Variants in CLVS1 observed in about 807,000 individuals in gnomAD.
CLVS1 encodes the protein clavesin 1, also known as clavesin-1.
A neutral mutation model predicts 33.1 loss-of-function variants in CLVS1; 10 were observed. The observed-to-expected ratio is 0.30, with a 90% CI of 0.19 to 0.51. The LOEUF (loss-of-function observed/expected upper bound fraction) is 0.51, where lower values mean the gene tolerates loss of function less well. Ranked by LOEUF, CLVS1 falls within the 20% of genes least tolerant of loss-of-function variation. The pLI is 0.97. For missense variants in CLVS1, 343 were observed against 433.4 expected (o/e 0.79, Z 1.85); for synonymous variants, 163 against 166.1 (o/e 0.98, Z 0.14).
At chr8:61,367,463 C>T (rs1479193596) in intron 2 of CLVS1, among the ~76,000 whole-genome samples, 1 of 152,158 alleles carries the variant, frequency 6.6e-6, no homozygotes, top group East Asian at 1.9e-4. Context: ...TTCTCATGAC[C>T]CAGTGGAAGA....
At chr8:61,484,064 T>G (rs930213610) in intron 5 of CLVS1, among the ~76,000 whole-genome samples, 2 of 152,176 alleles carry the variant, frequency 1.3e-5, no homozygotes, top group Non-Finnish European at 2.9e-5. Flanking sequence ...ACCACTCCTA[T>G]TCAACCTACT....
chr8:61,464,734 T>C (rs1051508156), intron 5 of CLVS1: 3 of 152,258 alleles, frequency 2.0e-5, no homozygotes, highest in Admixed American at 1.3e-4. Flanking sequence ...TTCCCCACCA[T>C]GGCCACAAGG....
intron 3 of CLVS1, among the ~76,000 whole-genome samples, chr8:61,393,655 C>T (rs985268358): frequency 7.9e-5 from 12 of 152,162 alleles, no homozygotes; most frequent in African/African-American, 2.9e-4. Flanking sequence ...GAGAGCCAGA[C>T]TGCAATCAAT....
At chr8:61,492,406 A>G (rs975027771) in intron 5 of CLVS1, among the ~76,000 whole-genome samples, 1 of 152,206 alleles carries the variant, frequency 6.6e-6, no homozygotes, top group Non-Finnish European at 1.5e-5. Flanking sequence ...TCTTCATTCA[A>G]CCTTGCCCAA....
chr8:61,310,910 AGTGTT>A (rs1810808181), intron 2 of CLVS1, among the ~76,000 whole-genome samples: 2 of 152,122 alleles, frequency 1.3e-5, no homozygotes, highest in African/African-American at 4.8e-5. Context: ...AGCTGCTACC[AGTGTT>A]GTGACCTTGG....
chr8:61,368,285 C>T (rs1323688081), intron 2 of CLVS1, among the ~76,000 whole-genome samples: 1 of 152,152 alleles, frequency 6.6e-6, no homozygotes, highest in African/African-American at 2.4e-5. Flanking sequence ...GCTTTAGTTT[C>T]AGTGTCATTT....
intron 1 of CLVS1, among the ~76,000 whole-genome samples, chr8:61,063,306 A>AGAAC: frequency 6.9e-6 from 1 of 145,360 alleles, no homozygotes; most frequent in East Asian, 2.0e-4. Flanking sequence ...AGAGAGAGAG[A>AGAAC]GAGAACAGTC....
chr8:61,075,524 A>G (rs1402133733), intron 1 of CLVS1, among the ~76,000 whole-genome samples: 1 of 152,200 alleles, frequency 6.6e-6, no homozygotes, highest in East Asian at 1.9e-4. Context: ...TACCTTTTAC[A>G]TTGGTGACAC....
chr8:61,389,620 G>A (rs758075434), intron 3 of CLVS1, among the ~76,000 whole-genome samples: 15 of 152,068 alleles, frequency 9.9e-5, no homozygotes, highest in South Asian at 2.1e-4. Context: ...AAGCTAGAAA[G>A]CACTATGACT....
upstream of CLVS1, among the ~76,000 whole-genome samples, chr8:61,286,515 G>C (rs1251012646): frequency 6.6e-6 from 1 of 152,206 alleles, no homozygotes; most frequent in East Asian, 1.9e-4. Context: ...TCCAGATGTG[G>C]ATTCTCTCGT....
chr8:61,058,006 G>T (rs1023613577), intron 1 of CLVS1, among the ~76,000 whole-genome samples: 15 of 152,226 alleles, frequency 9.9e-5, no homozygotes, highest in African/African-American at 3.6e-4. Context: ...GGCGCTTTAA[G>T]AAAGTTTCTA....
chr8:61,204,281 A>G (rs1266811305), intron 2 of CLVS1, among the ~76,000 whole-genome samples: 1 of 152,208 alleles, frequency 6.6e-6, no homozygotes, highest in Non-Finnish European at 1.5e-5. Context: ...TTGCTAACCA[A>G]ACTCCATGGT....
chr8:60,997,934 T>TTGTG, the CLVS1 span, among the ~76,000 whole-genome samples: 103 of 150,454 alleles, frequency 6.8e-4, 1 homozygote, highest in Middle Eastern at 0.014. Context: ...CTTAAGGTGC[T>TTGTG]TGTGTGTGTG....
the CLVS1 span, among the ~76,000 whole-genome samples, chr8:61,025,503 G>A: frequency 6.6e-6 from 1 of 152,186 alleles, no homozygotes; most frequent in Non-Finnish European, 1.5e-5. Context: ...GACCTCCAGA[G>A]AGCCTTCCTC....
chr8:61,084,702 G>A (rs754642046), intron 1 of CLVS1, among the ~76,000 whole-genome samples: 1 of 152,234 alleles, frequency 6.6e-6, no homozygotes, highest in African/African-American at 2.4e-5. Context: ...ATGAAAGATT[G>A]TCTTGGGATG....
intron 2 of CLVS1, among the ~76,000 whole-genome samples, chr8:61,346,525 G>C (rs1812225398): frequency 6.6e-6 from 1 of 152,146 alleles, no homozygotes; most frequent in African/African-American, 2.4e-5. Flanking sequence ...CAGTCCTAAT[G>C]ATGACCTTTT....
chr8:61,087,707 G>C (rs1413743781), intron 1 of CLVS1, among the ~76,000 whole-genome samples: 2 of 152,152 alleles, frequency 1.3e-5, no homozygotes, highest in Non-Finnish European at 2.9e-5. Flanking sequence ...GCAAAGTCAT[G>C]GGCCTGCCAG....
At chr8:61,127,249 T>C (rs1805993940) in intron 1 of CLVS1, among the ~76,000 whole-genome samples, 1 of 151,812 alleles carries the variant, frequency 6.6e-6, no homozygotes, top group South Asian at 2.1e-4. Context: ...AGTTTCGCTC[T>C]TGTTGCCCAG....
At chr8:61,247,112 T>A (rs1448317768) in intron 2 of CLVS1, among the ~76,000 whole-genome samples, 3 of 152,150 alleles carry the variant, frequency 2.0e-5, no homozygotes, top group African/African-American at 4.8e-5. Context: ...TCTAGCTCCA[T>A]CAAAACACAT....
Sources: allele counts gnomAD v4.1 joint callset (sites outside exome capture counted in the v4.1 genomes callset), GRCh38; gene constraint gnomAD v4.1.1; transcripts MANE v1.5; gene names NCBI Gene and HGNC (gene_info 2026-07-23, HGNC 2026-07-21).